The following PLEKHH2 variants were observed in gnomAD, a reference collection of about 807,000 sequenced individuals.
PLEKHH2 encodes the protein pleckstrin homology, MyTH4 and FERM domain containing H2, also known as pleckstrin homology domain-containing family H member 2.
In PLEKHH2, 129 loss-of-function variants were observed where a neutral mutation model predicts 187.9. That is an observed-to-expected ratio of 0.69 (90% CI 0.59 to 0.79). The LOEUF (loss-of-function observed/expected upper bound fraction) is 0.79, where lower values mean the gene tolerates loss of function less well. Among genes scored for constraint, PLEKHH2 ranks in the 30% least tolerant of loss-of-function variants. PLEKHH2 has a pLI of 0.00. For missense variants in PLEKHH2, 2,076 were observed against 1,751.2 expected (o/e 1.19, Z -3.31); for synonymous variants, 686 against 605.6 (o/e 1.13, Z -1.95).
At chr2:43,670,716 C>T (rs1558451110) in intron 2 of PLEKHH2, among the ~76,000 whole-genome samples, 1 of 151,738 alleles carries the variant, frequency 6.6e-6, no homozygotes, top group Non-Finnish European at 1.5e-5. Flanking sequence ...GCAGAAAGGC[C>T]TGCTAGGATT....
chr2:43,688,113 T>A (rs1457974057), intron 3 of PLEKHH2, among the ~76,000 whole-genome samples: 1 of 152,222 alleles, frequency 6.6e-6, no homozygotes, highest in Non-Finnish European at 1.5e-5. Context: ...TGTTTTCTTT[T>A]GAGAAGTGTC....
intron 26 of PLEKHH2, among the ~76,000 whole-genome samples, chr2:43,757,698 G>A (rs1356181606): frequency 3.9e-5 from 6 of 151,994 alleles, no homozygotes; most frequent in East Asian, 3.9e-4. Context: ...GATTAGAGGC[G>A]TGAGCCACTG....
Position 43,648,025 on chromosome 2 carries a change from G to A in PLEKHH2, c.123+3229G>A, listed in dbSNP as rs563908409. On this transcript the variant is annotated intron_variant, in intron 2 of 29. Coordinates refer to ENST00000282406, the MANE Select transcript of PLEKHH2 (RefSeq NM_172069.4). ...CTCAATCTAGAGAATTAACATTAAGGCTGAGAGTAATTGAGTAGCATGCCC... is the reference window on the plus strand; with the variant it reads ...CTCAATCTAGAGAATTAACATTAAGACTGAGAGTAATTGAGTAGCATGCCC... Among the ~76,000 whole-genome samples the A allele has an allele frequency of 2.0e-5, 3 of 152,248 alleles. No individual in the cohort carries two copies. In the East Asian group the frequency reaches 5.8e-4, roughly 29 times the overall value.
At position 43,710,513 on chromosome 2, in the gene PLEKHH2, G is replaced by A. The variant is rs764125516; in HGVS notation, c.2239G>A (p.Gly747Ser). 16 of 1,598,454 alleles carry A rather than the reference G, an allele frequency of 1.0e-5. No homozygotes were observed. In the East Asian group the frequency reaches 2.7e-4, roughly 27 times the overall value. Residue 747 changes from glycine (G) to serine (S), a missense_variant, in exon 14 of 30, where the codon GGC becomes AGC. Gly to Ser is a moderately conservative substitution (Grantham distance 56, BLOSUM62 0). Coordinates refer to ENST00000282406, the MANE Select transcript of PLEKHH2 (RefSeq NM_172069.4). ...GAGTGATGTAATTAGAAAACCCCAG[G>A]GCCATATTGAACTTAGTGCATCCTG... ...SPSDVIRKPQ[G>S]HIELSASCSI...
intron 1 of PLEKHH2, among the ~76,000 whole-genome samples, chr2:43,640,019 A>C (rs979473134): frequency 6.6e-6 from 1 of 152,114 alleles, no homozygotes; most frequent in African/African-American, 2.4e-5. Context: ...CTCTTTGGCT[A>C]TCATGAATAA....
chr2:43,739,127 G>A (rs1253477332), intron 20 of PLEKHH2, among the ~76,000 whole-genome samples: 1 of 152,162 alleles, frequency 6.6e-6, no homozygotes, highest in Non-Finnish European at 1.5e-5. Flanking sequence ...CTGATCTCAG[G>A]TGATCCGCCC....
intron 8 of PLEKHH2, 119 bp from the exon 9 acceptor site, chr2:43,703,862 C>A (rs1040503974): frequency 4.5e-6 from 3 of 660,060 alleles, no homozygotes; most frequent in East Asian, 5.3e-5. Flanking sequence ...TAATGCTGTA[C>A]TCTAGTGAAT....
chr2:43,758,649 T>C (rs889156572), intron 26 of PLEKHH2, among the ~76,000 whole-genome samples: 1 of 152,236 alleles, frequency 6.6e-6, no homozygotes, highest in African/African-American at 2.4e-5. Flanking sequence ...ATTTTAAAAA[T>C]GGACCTGCTG....
chr2:43,683,591 G>C (rs1219227062), intron 3 of PLEKHH2, among the ~76,000 whole-genome samples: 2 of 151,810 alleles, frequency 1.3e-5, no homozygotes, highest in Non-Finnish European at 2.9e-5. Context: ...GTTCTCTAAA[G>C]CTTTCCACAT....
intron 19 of PLEKHH2, among the ~76,000 whole-genome samples, chr2:43,736,266 A>C (rs562837158): frequency 6.6e-6 from 1 of 152,344 alleles, no homozygotes; most frequent in East Asian, 1.9e-4. Flanking sequence ...GCAAGCAACA[A>C]CCAGTTAGAA....
intron 19 of PLEKHH2, 88 bp downstream of exon 19, chr2:43,731,690 G>A: frequency 2.2e-6 from 2 of 913,784 alleles, no homozygotes; most frequent in South Asian, 2.4e-5. Flanking sequence ...ATAACATTTT[G>A]GGTTACAAAA....
intron 24 of PLEKHH2, among the ~76,000 whole-genome samples, chr2:43,749,836 G>A (rs1458132531): frequency 6.6e-6 from 1 of 152,014 alleles, no homozygotes; most frequent in Admixed American, 6.6e-5. Context: ...CAAGCAGCAG[G>A]GTAACAAACA....
At chr2:43,741,147 A>G (rs1671544522) in intron 21 of PLEKHH2, 104 bp downstream of exon 21, 3 of 1,011,562 alleles carry the variant, frequency 3.0e-6, no homozygotes, top group Non-Finnish European at 2.8e-6. Context: ...AGAAGAATGT[A>G]TGAAACAAAT....
intron 17 of PLEKHH2, among the ~76,000 whole-genome samples, chr2:43,728,762 A>G (rs1670900186): frequency 6.6e-6 from 1 of 151,810 alleles, no homozygotes. Context: ...GCGTTTCACC[A>G]TGTTGGCCAG....
intron 3 of PLEKHH2, among the ~76,000 whole-genome samples, chr2:43,691,026 G>GT (rs1000258134): frequency 2.0e-5 from 3 of 152,210 alleles, no homozygotes; most frequent in African/African-American, 7.2e-5. Flanking sequence ...GCCTGGATGT[G>GT]TTTTACAGAA....
At chr2:43,658,689 A>G (rs1666912093) in intron 2 of PLEKHH2, 2 of 152,382 alleles carry the variant, frequency 1.3e-5, no homozygotes, top group South Asian at 2.1e-4. Context: ...TTCTCACAAC[A>G]TGGTGGCTGG....
chr2:43,697,482 G>A (rs1414343521), intron 7 of PLEKHH2, 126 bp downstream of exon 7: 9 of 789,302 alleles, frequency 1.1e-5, no homozygotes, highest in Admixed American at 3.4e-5. Flanking sequence ...TTATGAGAAT[G>A]TTTCTAAAGA....
At chr2:43,675,798 G>A (rs1346907202) in intron 2 of PLEKHH2, 16 of 1,613,794 alleles carry the variant, frequency 9.9e-6, no homozygotes, top group Non-Finnish European at 1.1e-5. Context: ...CGTATTCGAG[G>A]TCTCCAAATA....
Position 43,757,194 on chromosome 2 carries a change from A to C in PLEKHH2, c.3871A>C (p.Thr1291Pro). Residue 1291 changes from threonine (T) to proline (P), a missense_variant, in exon 26 of 30, where the codon ACT (threonine) becomes CCT (proline). Coordinates refer to ENST00000282406, the MANE Select transcript of PLEKHH2 (RefSeq NM_172069.4). ...HVTNQCKVNQ[T>P]LKQVIEKFYP... The stretch of plus-strand genomic sequence containing the variant: ...TACCAATCAGTGCAAAGTGAATCAA[A>C]CTCTAAAGCAAGTCATAGAGAAATT... 2.5e-6 allele frequency: 4 copies of C among 1,604,206 alleles called. No individual in the cohort carries two copies. Among genetic ancestry groups the C allele is most frequent in the Non-Finnish European group, 3.4e-6 (4 of 1,176,094 alleles).
Sources: allele counts gnomAD v4.1 joint callset (sites outside exome capture counted in the v4.1 genomes callset), GRCh38; gene constraint gnomAD v4.1.1; transcripts MANE v1.5; gene names NCBI Gene and HGNC (gene_info 2026-07-23, HGNC 2026-07-21).